The following ACTR3C variants were observed in gnomAD, a reference collection of about 807,000 sequenced individuals.
ACTR3C encodes actin related protein 3C, also known as actin-related protein 3C.
In ACTR3C, 18 loss-of-function variants were observed where a neutral mutation model predicts 26.3. That is an observed-to-expected ratio of 0.68 (90% CI 0.47 to 1.01). The LOEUF (loss-of-function observed/expected upper bound fraction) is 1.01. Ranked by LOEUF, ACTR3C falls within the 50% of genes least tolerant of loss-of-function variation. The pLI is 0.00. For synonymous variants in ACTR3C, 55 were observed against 94.5 expected, an observed-to-expected ratio of 0.58 and a Z score of 2.42; for missense variants, 184 against 250.7, an observed-to-expected ratio of 0.73 and a Z score of 1.80.
chr7:150,127,639 A>G, the ACTR3C span, among the ~76,000 whole-genome samples: 1 of 152,228 alleles, frequency 6.6e-6, no homozygotes, highest in East Asian at 1.9e-4. Flanking sequence ...ACAACTAGAA[A>G]GCAGAAAAAC....
At chr7:149,896,721 C>T in the ACTR3C span, among the ~76,000 whole-genome samples, 1 of 151,772 alleles carries the variant, frequency 6.6e-6, no homozygotes, top group Non-Finnish European at 1.5e-5. Flanking sequence ...AGTTAACTGA[C>T]CTGAAATCAG....
chr7:150,263,520 T>C (rs2129610237), intron 6 of ACTR3C, among the ~76,000 whole-genome samples: 1 of 150,282 alleles, frequency 6.7e-6, no homozygotes, highest in Admixed American at 6.6e-5. Flanking sequence ...ATTAATCCCT[T>C]TGAAGTATCA....
chr7:149,895,972 C>A, the ACTR3C span, among the ~76,000 whole-genome samples: 48 of 142,176 alleles, frequency 3.4e-4, no homozygotes, highest in Admixed American at 3.4e-3. Context: ...TCGAGACAGG[C>A]AGATTGCTTA....
chr7:150,190,956 G>A, the ACTR3C span, among the ~76,000 whole-genome samples: 3,437 of 152,092 alleles, frequency 0.023, 122 homozygotes, highest in African/African-American at 0.079. Flanking sequence ...TCACTATCAC[G>A]GGGACAGCAT....
At chr7:150,047,227 A>C in the ACTR3C span, among the ~76,000 whole-genome samples, 1 of 151,856 alleles carries the variant, frequency 6.6e-6, no homozygotes, top group Non-Finnish European at 1.5e-5. Context: ...AGCACGAAAT[A>C]AATAAAAAAT....
At chr7:149,897,503 T>C in the ACTR3C span, among the ~76,000 whole-genome samples, 1 of 152,208 alleles carries the variant, frequency 6.6e-6, no homozygotes, top group African/African-American at 2.4e-5. Flanking sequence ...ACATATACAA[T>C]TATTTCTAAA....
chr7:150,192,339 G>A, the ACTR3C span, among the ~76,000 whole-genome samples: 3 of 151,722 alleles, frequency 2.0e-5, no homozygotes, highest in African/African-American at 7.3e-5. Context: ...GTTACCCAGA[G>A]CACTGCTGGA....
At chr7:149,930,000 T>C in the ACTR3C span, among the ~76,000 whole-genome samples, 2 of 152,158 alleles carry the variant, frequency 1.3e-5, no homozygotes, top group Admixed American at 1.3e-4. Flanking sequence ...TCTGTGGTAG[T>C]CCTGACAAAT....
chr7:150,038,040 G>A, the ACTR3C span, among the ~76,000 whole-genome samples: 3 of 140,148 alleles, frequency 2.1e-5, 1 homozygote, highest in South Asian at 2.2e-4. Flanking sequence ...CAAGAGCCAT[G>A]GGGGGAAGAG....
At chr7:150,273,590 G>T (rs1248427962) in intron 6 of ACTR3C, among the ~76,000 whole-genome samples, 1 of 150,100 alleles carries the variant, frequency 6.7e-6, no homozygotes, top group Non-Finnish European at 1.5e-5. Context: ...CCTAAAATCA[G>T]ATTCTGAACT....
the ACTR3C span, among the ~76,000 whole-genome samples, chr7:149,972,044 C>T: frequency 6.6e-6 from 1 of 152,204 alleles, no homozygotes; most frequent in Non-Finnish European, 1.5e-5. Flanking sequence ...GTGCTAACTA[C>T]TCCCACATTT....
the ACTR3C span, among the ~76,000 whole-genome samples, chr7:150,163,616 C>A: frequency 6.6e-6 from 1 of 151,668 alleles, no homozygotes; most frequent in Non-Finnish European, 1.5e-5. Flanking sequence ...GCTGAGAAGT[C>A]CCAGAATCTG....
chr7:149,989,187 A>G, the ACTR3C span, among the ~76,000 whole-genome samples: 3 of 152,348 alleles, frequency 2.0e-5, no homozygotes. Flanking sequence ...TAATAATTGC[A>G]TATATTCATG....
chr7:149,968,463 G>A, the ACTR3C span, among the ~76,000 whole-genome samples: 3 of 152,186 alleles, frequency 2.0e-5, no homozygotes, highest in East Asian at 5.8e-4. Flanking sequence ...AACCCAGGAG[G>A]CGGAGTTTGC....
At chr7:150,185,858 A>G in the ACTR3C span, among the ~76,000 whole-genome samples, 1 of 152,176 alleles carries the variant, frequency 6.6e-6, no homozygotes, top group Non-Finnish European at 1.5e-5. Flanking sequence ...CAGCCAGATA[A>G]AAAGCAAGTT....
At chr7:150,039,082 T>C in the ACTR3C span, among the ~76,000 whole-genome samples, 3 of 146,414 alleles carry the variant, frequency 2.0e-5, no homozygotes, top group East Asian at 6.4e-4. Flanking sequence ...CTACTTGGAC[T>C]ACTAACACCC....
chr7:150,314,404 A>G (rs1037120433), intron 1 of ACTR3C, among the ~76,000 whole-genome samples: 1 of 152,176 alleles, frequency 6.6e-6, no homozygotes, highest in Non-Finnish European at 1.5e-5. Flanking sequence ...ACACTGGCTT[A>G]TAGAAGAGAG....
the ACTR3C span, among the ~76,000 whole-genome samples, chr7:150,171,781 A>G: frequency 1.4e-5 from 2 of 147,432 alleles, no homozygotes; most frequent in South Asian, 4.1e-4. Context: ...ACAAATATTA[A>G]AAATAAAAGA....
At chr7:150,187,463 T>C in the ACTR3C span, among the ~76,000 whole-genome samples, 3 of 149,068 alleles carry the variant, frequency 2.0e-5, no homozygotes, top group African/African-American at 2.5e-5. Flanking sequence ...GCTCCAACAG[T>C]ACTAACTAAA....
Sources: allele counts gnomAD v4.1 joint callset (sites outside exome capture counted in the v4.1 genomes callset), GRCh38; gene constraint gnomAD v4.1.1; transcripts MANE v1.5; gene names NCBI Gene and HGNC (gene_info 2026-07-23, HGNC 2026-07-21).